Variants in JHY observed in about 807,000 individuals in gnomAD.
The protein encoded by JHY is jhy protein homolog.
In JHY, 69 loss-of-function variants were observed where a neutral mutation model predicts 78.0. The observed-to-expected ratio is 0.88, with a 90% CI of 0.73 to 1.08. The LOEUF (loss-of-function observed/expected upper bound fraction) is 1.08, where lower values mean the gene tolerates loss of function less well. Ranked by LOEUF, JHY falls within the 50% of genes least tolerant of loss-of-function variation. The pLI, the probability that JHY is intolerant of heterozygous loss-of-function variation, is 0.00. For synonymous variants in JHY, 368 were observed against 342.6 expected, an observed-to-expected ratio of 1.07 and a Z score of -0.82; for missense variants, 944 against 927.8, an observed-to-expected ratio of 1.02 and a Z score of -0.23.
rs56343087 is a variant in JHY, at chr11:122,957,908, G to C, written c.2139+417G>C. 2.0e-5 allele frequency among the ~76,000 whole-genome samples: 3 copies of C among 151,848 alleles called. No individual in the cohort carries two copies. In the South Asian group the frequency reaches 6.2e-4, roughly 32 times the overall value. On this transcript the variant is annotated intron_variant, in intron 8 of 8. Transcript: ENST00000227349. The stretch of plus-strand genomic sequence containing the variant: ...TTCTTCCAGGAATAGTATTTTAAAT[G>C]TGTCACACATAAAAATTAAATAATA...
At chr11:122,956,358 C>T (rs991770342) in intron 6 of JHY, 138 bp from the exon 7 acceptor site, 10 of 484,066 alleles carry the variant, frequency 2.1e-5, no homozygotes, top group South Asian at 9.3e-5. Flanking sequence ...TCAGGAAATG[C>T]GGCCATTCTC....
rs1864334205 is a variant in JHY, at chr11:122,962,393, G to A, written c.*2948G>A. ...ATGAAACCTTCTCTTAAAACTGAAAGCAGTTAGAATTGAGAGTCTGCAAAG... is the reference window on the plus strand; with the variant it reads ...ATGAAACCTTCTCTTAAAACTGAAAACAGTTAGAATTGAGAGTCTGCAAAG... On this transcript the variant is annotated 3_prime_UTR_variant, in exon 9 of 9. Coordinates refer to ENST00000227349, the MANE Select transcript of JHY (RefSeq NM_024806.4). Among the ~76,000 whole-genome samples the A allele has an allele frequency of 6.6e-6, 1 of 152,132 alleles. No homozygotes were observed. The highest frequency in any genetic ancestry group is 6.5e-5 in the Admixed American group (1 of 15,280).
chr11:122,962,348 G>A lies in JHY; in HGVS notation c.*2903G>A, dbSNP rs910744481. ...GTATACATTTTACATATACCAAAAT[G>A]TAGCATAAAAGATGCCTGTATGAAA... On this transcript the variant is annotated 3_prime_UTR_variant, in exon 9 of 9. Transcript: ENST00000227349. 2.0e-5 allele frequency among the ~76,000 whole-genome samples: 3 copies of A among 152,172 alleles called. No individual in the cohort carries two copies. The highest frequency in any genetic ancestry group is 4.4e-5 in the Non-Finnish European group (3 of 68,018).
rs749801984 is a variant in JHY, at chr11:122,886,095, G to C, written c.246G>C (p.Trp82Cys). The C allele has an allele frequency of 7.4e-6, 12 of 1,614,042 alleles. No individual in the cohort carries two copies. The South Asian group carries it at 1.2e-4, about 16-fold the overall frequency. Residue 82 changes from tryptophan to cysteine, a missense_variant, in exon 2 of 9, where the codon TGG becomes TGC. Trp to Cys is a radical substitution (Grantham distance 215). Transcript: ENST00000227349. ...TAGACGAGGAGGAAAGCCCTCGATG[G>C]GGAAGCCTGCACGAGATGGAAGAGG... Reference protein sequence around the residue: ...DSLDEEESPRWGSLHEMEEEA... With the variant: ...DSLDEEESPRCGSLHEMEEEA...
At position 122,922,809 on chromosome 11, in the gene JHY, C is replaced by CAAAAAAAA. The variant is rs571482464; in HGVS notation, c.865-2068_865-2061dup. 1.0e-3 allele frequency among the ~76,000 whole-genome samples: 45 copies of CAAAAAAAA among 44,370 alleles called. 2 individuals are homozygous for CAAAAAAAA. The highest frequency in any genetic ancestry group is 2.0e-3 in the African/African-American group (44 of 22,200). 29.1% of individuals were successfully genotyped at this position (44,370 alleles called of 152,430 possible). A position where few individuals can be genotyped will look rare whatever the true frequency, so the allele number is the denominator to read the frequency against. On this transcript the variant is annotated intron_variant, in intron 3 of 8. Coordinates refer to ENST00000227349, the MANE Select transcript of JHY (RefSeq NM_024806.4). Reference sequence around the variant, plus strand: ...TGGGCAACAGAGCGAGACTCCGTCTCAAAAAAAAAAAAAAAAAAAAAAAAA... The same window carrying CAAAAAAAA: ...TGGGCAACAGAGCGAGACTCCGTCTCAAAAAAAAAAAAAAAAAAAAAAAAAAAAAAAAA...
rs1388289375 is a variant in JHY at position 122,963,776 on chromosome 11, T to C, written c.*4331T>C. 6.6e-6 allele frequency among the ~76,000 whole-genome samples: 1 copy of C among 152,202 alleles called. No homozygotes were observed. The highest frequency in any genetic ancestry group is 1.5e-5 in the Non-Finnish European group (1 of 68,000). Reference sequence around the variant, plus strand: ...TAATGATGGAGCACCTGTATTTGACTAGATGTTATATACATGCCATTGAAA... The same window carrying C: ...TAATGATGGAGCACCTGTATTTGACCAGATGTTATATACATGCCATTGAAA... On this transcript the variant is annotated 3_prime_UTR_variant, in exon 9 of 9. Coordinates refer to ENST00000227349, the MANE Select transcript of JHY (RefSeq NM_024806.4).
chr11:122,939,068 A>C (rs1591393045), intron 5 of JHY, among the ~76,000 whole-genome samples: 1 of 147,654 alleles, frequency 6.8e-6, no homozygotes, highest in African/African-American at 2.5e-5. Context: ...GCTCACTGCA[A>C]CCTCTGCCTA....
At position 122,924,979 on chromosome 11, in the gene JHY, A is replaced by G. The variant is rs1279370731; in HGVS notation, c.947A>G (p.Asp316Gly). ...EMENAAIDPE[D>G]KWHQRAQQLK... ...GAAAATGCTGCCATCGATCCTGAAG[A>G]TAAATGGCATCAAAGAGCACAACAG... Residue 316 changes from aspartate (D) to glycine (G), a missense_variant, in exon 4 of 9, where the codon GAT (aspartate) becomes GGT (glycine). By Grantham distance (94) the Asp-to-Gly change is moderately conservative (BLOSUM62 -1). Coordinates refer to ENST00000227349, the MANE Select transcript of JHY (RefSeq NM_024806.4). The G allele has an allele frequency of 2.5e-6, 4 of 1,614,006 alleles. No individual in the cohort carries two copies. The highest frequency in any genetic ancestry group is 1.3e-5 in the African/African-American group (1 of 74,954).
chr11:122,903,221 A>G (rs1300472453), intron 2 of JHY, among the ~76,000 whole-genome samples: 1 of 152,224 alleles, frequency 6.6e-6, no homozygotes, highest in Non-Finnish European at 1.5e-5. Flanking sequence ...AAAGTGTGAA[A>G]CATAGTTTTA....
rs763826168 is a variant in JHY, at chr11:122,904,017, C to T, written c.437C>T (p.Ala146Val). 9 of 1,614,024 alleles carry T rather than the reference C, an allele frequency of 5.6e-6. No individual in the cohort carries two copies. The highest frequency in any genetic ancestry group is 1.3e-5 in the African/African-American group (1 of 74,918). Residue 146 changes from alanine to valine, a missense_variant, in exon 3 of 9, where the codon GCG becomes GTG. By Grantham distance (64) the Ala-to-Val change is moderately conservative (BLOSUM62 0). Coordinates refer to ENST00000227349, the MANE Select transcript of JHY (RefSeq NM_024806.4). ...KEEGQLLSVEALPESTDSSLE... is the reference protein window; with the variant it reads ...KEEGQLLSVEVLPESTDSSLE... ...GAAGGGCAGCTGCTGTCTGTGGAAG[C>T]GTTGCCGGAGTCCACGGACAGCTCT...
intron 2 of JHY, among the ~76,000 whole-genome samples, chr11:122,893,449 G>A (rs556259472): frequency 2.0e-5 from 3 of 152,220 alleles, no homozygotes; most frequent in East Asian, 3.9e-4. Context: ...TGTTGCCCCC[G>A]GAGACAACCA....
intron 2 of JHY, among the ~76,000 whole-genome samples, chr11:122,903,678 C>T (rs529464494): frequency 2.0e-5 from 3 of 152,160 alleles, no homozygotes; most frequent in South Asian, 4.2e-4. Context: ...GATGGAGTCT[C>T]GCTGTGTTGC....
chr11:122,957,978 G>A (rs1864227956), intron 8 of JHY, among the ~76,000 whole-genome samples: 2 of 152,020 alleles, frequency 1.3e-5, no homozygotes, highest in African/African-American at 4.8e-5. Context: ...ATTTTATTTT[G>A]TATCATTAAA....
At chr11:122,910,747 C>G (rs1863102807) in intron 3 of JHY, among the ~76,000 whole-genome samples, 1 of 152,198 alleles carries the variant, frequency 6.6e-6, no homozygotes, top group Admixed American at 6.5e-5. Context: ...TATAACTTCA[C>G]ACCCCTGATT....
At position 122,961,920 on chromosome 11, in the gene JHY, C is replaced by G. The variant is rs1864324106; in HGVS notation, c.*2475C>G. Among the ~76,000 whole-genome samples, 1 of 152,168 alleles carries G rather than the reference C, an allele frequency of 6.6e-6. No homozygotes were observed. The highest frequency in any genetic ancestry group is 2.1e-4 in the South Asian group (1 of 4,826). On this transcript the variant is annotated 3_prime_UTR_variant, in exon 9 of 9. Coordinates refer to ENST00000227349, the MANE Select transcript of JHY (RefSeq NM_024806.4). ...AACCCTCCAACAAGTCCAGAAACACCTAATGCAGGCAACTCTGAGAGACAC... is the reference window on the plus strand; with the variant it reads ...AACCCTCCAACAAGTCCAGAAACACGTAATGCAGGCAACTCTGAGAGACAC...
Position 122,884,174 on chromosome 11 carries a change from C to T in JHY, c.-90+1202C>T, listed in dbSNP as rs146233211. On this transcript the variant is annotated intron_variant, in intron 1 of 8. Transcript: ENST00000227349. ...GTTAGTCTACCAACAGGGCAGACTTCGAGTTCAATAGAAAACTCACTTCGT... is the reference window on the plus strand; with the variant it reads ...GTTAGTCTACCAACAGGGCAGACTTTGAGTTCAATAGAAAACTCACTTCGT... Among the ~76,000 whole-genome samples, 547 of 152,306 alleles carry T rather than the reference C, an allele frequency of 3.6e-3. 2 individuals are homozygous for T. The highest frequency in any genetic ancestry group is 0.012 in the African/African-American group (517 of 41,560).
chr11:122,888,112 G>A (rs1190217590), intron 2 of JHY, among the ~76,000 whole-genome samples: 2 of 151,948 alleles, frequency 1.3e-5, no homozygotes, highest in Non-Finnish European at 2.9e-5. Flanking sequence ...TTAGTGATAT[G>A]TCACAGTAAA....
intron 3 of JHY, among the ~76,000 whole-genome samples, chr11:122,913,171 A>C (rs1270985334): frequency 6.6e-6 from 1 of 151,846 alleles, no homozygotes; most frequent in Non-Finnish European, 1.5e-5. Flanking sequence ...CACACCCCAC[A>C]CTCGCCATGC....
At chr11:122,924,732 A>G (rs751958651) in intron 3 of JHY, among the ~76,000 whole-genome samples, 165 bp from the exon 4 acceptor site, 2 of 152,184 alleles carry the variant, frequency 1.3e-5, no homozygotes, top group Non-Finnish European at 2.9e-5. Flanking sequence ...CATTCTCCTT[A>G]AGAACAATCA....
Sources: allele counts gnomAD v4.1 joint callset (sites outside exome capture counted in the v4.1 genomes callset), GRCh38; gene constraint gnomAD v4.1.1; transcripts MANE v1.5; gene names NCBI Gene and HGNC (gene_info 2026-07-23, HGNC 2026-07-21).